CLSTN2: variants seen among roughly 807,000 people sequenced by gnomAD.
The protein encoded by CLSTN2 is calsyntenin-2.
In CLSTN2, 48 loss-of-function variants were observed where a neutral mutation model predicts 101.2. That is an observed-to-expected ratio of 0.47 (90% CI 0.38 to 0.60). CLSTN2 has a LOEUF of 0.60. Among genes scored for constraint, CLSTN2 ranks in the 20% least tolerant of loss-of-function variants. CLSTN2 has a pLI of 0.00. For synonymous variants in CLSTN2, 481 were observed against 463.6 expected (o/e 1.04, Z -0.48); for missense variants, 1,160 against 1,238.2 (o/e 0.94, Z 0.95).
intron 2 of CLSTN2, among the ~76,000 whole-genome samples, chr3:140,366,941 C>T (rs1484274112): frequency 6.6e-6 from 1 of 152,156 alleles, no homozygotes; most frequent in African/African-American, 2.4e-5. Context: ...AGGGGCTCGG[C>T]AGCATCTGCA....
chr3:140,395,054 A>G (rs2088165371), intron 2 of CLSTN2, among the ~76,000 whole-genome samples: 2 of 152,204 alleles, frequency 1.3e-5, no homozygotes, highest in Admixed American at 6.5e-5. Context: ...CCCAACAAAT[A>G]TTGCCAAAGA....
intron 8 of CLSTN2, among the ~76,000 whole-genome samples, chr3:140,505,054 G>A (rs536155361): frequency 1.3e-5 from 2 of 148,728 alleles, no homozygotes; most frequent in South Asian, 2.1e-4. Context: ...AGACTGACTC[G>A]TAGTTCAAAG....
At chr3:140,074,309 T>C (rs531816629) in intron 1 of CLSTN2, among the ~76,000 whole-genome samples, 45 of 151,784 alleles carry the variant, frequency 3.0e-4, no homozygotes, top group Non-Finnish European at 5.7e-4. Flanking sequence ...CCCCCAACAG[T>C]GGATGGACAG....
chr3:140,368,032 T>C (rs11719890), intron 2 of CLSTN2, among the ~76,000 whole-genome samples: 63,271 of 151,960 alleles, frequency 0.42, 14,001 homozygotes, highest in Non-Finnish European at 0.5. Context: ...TCAGGGAGAA[T>C]ACTGGAAACT....
At chr3:140,165,899 G>C (rs980964880) in intron 1 of CLSTN2, among the ~76,000 whole-genome samples, 1 of 152,102 alleles carries the variant, frequency 6.6e-6, no homozygotes, top group African/African-American at 2.4e-5. Flanking sequence ...CTATTGAAAG[G>C]CTTCACTTGG....
At chr3:140,029,742 A>G (rs2007507319) in intron 1 of CLSTN2, among the ~76,000 whole-genome samples, 1 of 152,140 alleles carries the variant, frequency 6.6e-6, no homozygotes, top group South Asian at 2.1e-4. Context: ...CAATATTTTA[A>G]AGTTTGGGGT....
intron 2 of CLSTN2, among the ~76,000 whole-genome samples, chr3:140,328,319 G>A (rs1381064823): frequency 6.6e-6 from 1 of 152,134 alleles, no homozygotes; most frequent in Non-Finnish European, 1.5e-5. Context: ...AAGCTGTCTT[G>A]TTCATTTTTC....
intron 8 of CLSTN2, among the ~76,000 whole-genome samples, chr3:140,510,721 C>T (rs896322133): frequency 2.6e-5 from 4 of 152,200 alleles, no homozygotes; most frequent in South Asian, 4.1e-4. Flanking sequence ...AAACACACTA[C>T]GCTTCTTGCT....
chr3:140,197,635 G>A (rs1487480297), intron 2 of CLSTN2, among the ~76,000 whole-genome samples: 1 of 152,084 alleles, frequency 6.6e-6, no homozygotes, highest in Non-Finnish European at 1.5e-5. Context: ...TGTTAACAAT[G>A]TCCAGAGACA....
chr3:139,967,915 A>G (rs184082851), intron 1 of CLSTN2, among the ~76,000 whole-genome samples: 34 of 152,268 alleles, frequency 2.2e-4, no homozygotes, highest in African/African-American at 7.7e-4. Flanking sequence ...TTCTGTTGGA[A>G]TGAAGGGAAC....
chr3:140,440,810 C>G (rs985709866), intron 5 of CLSTN2, among the ~76,000 whole-genome samples: 1 of 152,184 alleles, frequency 6.6e-6, no homozygotes, highest in Non-Finnish European at 1.5e-5. Context: ...AACTGCGGCT[C>G]AGAAAGATTA....
chr3:140,063,054 C>A (rs1027522731), intron 1 of CLSTN2, among the ~76,000 whole-genome samples: 3 of 152,050 alleles, frequency 2.0e-5, no homozygotes, highest in Admixed American at 6.5e-5. Context: ...GGGTTTAATA[C>A]CTAATCTAAT....
At chr3:139,951,070 G>C (rs926435761) in intron 1 of CLSTN2, among the ~76,000 whole-genome samples, 4 of 152,186 alleles carry the variant, frequency 2.6e-5, no homozygotes, top group African/African-American at 9.7e-5. Flanking sequence ...GTTTATCAAA[G>C]CTACACAGAG....
At chr3:140,377,653 T>A (rs1348002188) in intron 2 of CLSTN2, among the ~76,000 whole-genome samples, 1 of 147,702 alleles carries the variant, frequency 6.8e-6, no homozygotes, top group Non-Finnish European at 1.5e-5. Flanking sequence ...AAAGAAAACA[T>A]TTTTTTACAG....
chr3:140,048,096 A>G (rs2007916669), intron 1 of CLSTN2, among the ~76,000 whole-genome samples: 1 of 152,244 alleles, frequency 6.6e-6, no homozygotes, highest in Non-Finnish European at 1.5e-5. Flanking sequence ...AGGAAGGAAT[A>G]TGGCTGAAAA....
chr3:140,037,341 C>G (rs969651077), intron 1 of CLSTN2, among the ~76,000 whole-genome samples: 1 of 152,074 alleles, frequency 6.6e-6, no homozygotes, highest in African/African-American at 2.4e-5. Context: ...ATAAGGACCT[C>G]TTTTTTCCCC....
intron 2 of CLSTN2, among the ~76,000 whole-genome samples, chr3:140,393,953 C>T (rs772777401): frequency 2.8e-4 from 43 of 152,132 alleles, no homozygotes; most frequent in Non-Finnish European, 5.6e-4. Context: ...TGCAATCTTC[C>T]AACACCTGAC....
At chr3:140,209,191 T>C (rs975111105) in intron 2 of CLSTN2, among the ~76,000 whole-genome samples, 3 of 151,876 alleles carry the variant, frequency 2.0e-5, no homozygotes, top group African/African-American at 7.3e-5. Context: ...TCAGCAGGAG[T>C]TGGGGAGAGA....
chr3:140,227,289 G>A (rs1015596433), intron 2 of CLSTN2, among the ~76,000 whole-genome samples: 1 of 152,164 alleles, frequency 6.6e-6, no homozygotes, highest in African/African-American at 2.4e-5. Flanking sequence ...GGGGCTACAG[G>A]CTCCATGCAA....
Sources: allele counts gnomAD v4.1 joint callset (sites outside exome capture counted in the v4.1 genomes callset), GRCh38; gene constraint gnomAD v4.1.1; transcripts MANE v1.5; gene names NCBI Gene and HGNC (gene_info 2026-07-23, HGNC 2026-07-21).